The following LHFPL3 variants were observed in gnomAD, a reference collection of about 807,000 sequenced individuals.
LHFPL3 encodes LHFPL tetraspan subfamily member 3 protein.
Under a neutral mutation model 19.3 loss-of-function variants are expected in LHFPL3, and 5 were observed. That is an observed-to-expected ratio of 0.26 (90% CI 0.14 to 0.54). The LOEUF (loss-of-function observed/expected upper bound fraction) is 0.54. Among genes scored for constraint, LHFPL3 ranks in the 20% least tolerant of loss-of-function variants. The probability of loss-of-function intolerance (pLI) is 0.94; values close to 1 mark genes in which losing one functional copy is unlikely to be tolerated. For missense variants in LHFPL3, 249 were observed against 307.4 expected, an observed-to-expected ratio of 0.81 and a Z score of 1.42; for synonymous variants, 133 against 126.2, an observed-to-expected ratio of 1.05 and a Z score of -0.36.
intron 2 of LHFPL3, among the ~76,000 whole-genome samples, chr7:104,817,021 C>T (rs1206895433): frequency 1.3e-5 from 2 of 152,300 alleles, no homozygotes; most frequent in African/African-American, 2.4e-5. Flanking sequence ...CTTTGCTTCT[C>T]CCCCTCTTTC....
At chr7:104,388,173 T>C (rs1326428007) in intron 1 of LHFPL3, among the ~76,000 whole-genome samples, 1 of 152,184 alleles carries the variant, frequency 6.6e-6, no homozygotes, top group East Asian at 1.9e-4. Context: ...ACATTTTCTT[T>C]ATCCAATCCA....
chr7:104,394,680 T>A (rs150538044), intron 1 of LHFPL3, among the ~76,000 whole-genome samples: 2,872 of 152,190 alleles, frequency 0.019, 46 homozygotes, highest in South Asian at 0.051. Flanking sequence ...TTGACATTAG[T>A]TTGTTATAAT....
intron 1 of LHFPL3, among the ~76,000 whole-genome samples, chr7:104,420,472 A>G (rs1380174623): frequency 6.6e-6 from 1 of 152,108 alleles, no homozygotes; most frequent in Non-Finnish European, 1.5e-5. Context: ...TAAATTCTGT[A>G]TAATGACAGA....
chr7:104,440,487 A>G (rs1792203375), intron 1 of LHFPL3, among the ~76,000 whole-genome samples: 2 of 152,024 alleles, frequency 1.3e-5, no homozygotes, highest in Non-Finnish European at 2.9e-5. Flanking sequence ...TGGGTGCAGC[A>G]CACCAGCATG....
intron 1 of LHFPL3, among the ~76,000 whole-genome samples, chr7:104,524,587 A>G (rs1180520351): frequency 6.6e-6 from 1 of 152,174 alleles, no homozygotes; most frequent in Non-Finnish European, 1.5e-5. Flanking sequence ...GTTGAACTGA[A>G]CTAGATTGAT....
intron 1 of LHFPL3, among the ~76,000 whole-genome samples, chr7:104,471,772 G>C (rs779890272): frequency 5.9e-5 from 9 of 152,082 alleles, no homozygotes; most frequent in Non-Finnish European, 1.2e-4. Context: ...TTTTCCGTTT[G>C]GATTCATACT....
At chr7:104,537,689 T>C (rs557917587) in intron 1 of LHFPL3, among the ~76,000 whole-genome samples, 11 of 152,248 alleles carry the variant, frequency 7.2e-5, no homozygotes, top group Non-Finnish European at 1.5e-4. Context: ...TTGGGTTCCC[T>C]ACTTCACAGT....
chr7:104,355,794 G>T (rs1166077123), intron 1 of LHFPL3, among the ~76,000 whole-genome samples: 1 of 152,146 alleles, frequency 6.6e-6, no homozygotes, highest in Non-Finnish European at 1.5e-5. Context: ...TAGCGGCAAA[G>T]GCTCTTCCTC....
chr7:104,566,827 A>G (rs969675401), intron 1 of LHFPL3, among the ~76,000 whole-genome samples: 1 of 152,244 alleles, frequency 6.6e-6, no homozygotes, highest in African/African-American at 2.4e-5. Flanking sequence ...AAAGGAAAAC[A>G]TTATTTCTCA....
At chr7:104,689,254 G>C (rs868783013) in intron 1 of LHFPL3, among the ~76,000 whole-genome samples, 1 of 152,240 alleles carries the variant, frequency 6.6e-6, no homozygotes, top group African/African-American at 2.4e-5. Flanking sequence ...TCCAAGTAGT[G>C]GCACTCAACT....
At chr7:104,380,744 C>A (rs1381946989) in intron 1 of LHFPL3, among the ~76,000 whole-genome samples, 2 of 152,038 alleles carry the variant, frequency 1.3e-5, no homozygotes, top group Non-Finnish European at 1.5e-5. Flanking sequence ...GATGCAAAAT[C>A]AGAAAGACAT....
intron 2 of LHFPL3, among the ~76,000 whole-genome samples, chr7:104,743,332 T>G (rs1042533481): frequency 6.6e-6 from 1 of 152,096 alleles, no homozygotes; most frequent in African/African-American, 2.4e-5. Context: ...CCATGTGGTG[T>G]CCATGTGAAC....
chr7:104,530,457 G>A (rs114148843), intron 1 of LHFPL3, among the ~76,000 whole-genome samples: 7 of 152,288 alleles, frequency 4.6e-5, no homozygotes, highest in African/African-American at 9.6e-5. Flanking sequence ...CTGAGAGTAC[G>A]GATGGTTGTT....
intron 1 of LHFPL3, among the ~76,000 whole-genome samples, chr7:104,686,845 G>A (rs569180355): frequency 6.6e-6 from 1 of 152,354 alleles, no homozygotes; most frequent in South Asian, 2.1e-4. Flanking sequence ...TACAATCATG[G>A]CAGAAGGGGA....
At chr7:104,834,375 T>C (rs1562808715) in intron 2 of LHFPL3, among the ~76,000 whole-genome samples, 1 of 152,014 alleles carries the variant, frequency 6.6e-6, no homozygotes, top group Non-Finnish European at 1.5e-5. Context: ...GAGGACTTTC[T>C]TGGCTTTCAG....
chr7:104,487,691 A>G (rs1793264177), intron 1 of LHFPL3, among the ~76,000 whole-genome samples: 1 of 152,198 alleles, frequency 6.6e-6, no homozygotes, highest in African/African-American at 2.4e-5. Flanking sequence ...CTATTCAGGG[A>G]CGTGTTGAGT....
intron 1 of LHFPL3, among the ~76,000 whole-genome samples, chr7:104,348,482 G>T (rs1790114482): frequency 1.3e-5 from 2 of 152,168 alleles, no homozygotes; most frequent in South Asian, 4.1e-4. Flanking sequence ...TATAAATATG[G>T]AATGACACAT....
intron 1 of LHFPL3, among the ~76,000 whole-genome samples, chr7:104,573,523 A>C (rs1242888927): frequency 3.9e-5 from 6 of 152,210 alleles, no homozygotes; most frequent in Non-Finnish European, 7.3e-5. Context: ...TTGAGACATA[A>C]ATGAAATACC....
chr7:104,507,653 C>T (rs1266397724), intron 1 of LHFPL3, among the ~76,000 whole-genome samples: 2 of 115,394 alleles, frequency 1.7e-5, no homozygotes, highest in Admixed American at 2.0e-4. Context: ...AAAGAAACTA[C>T]CATCAGAGTG....
Sources: allele counts gnomAD v4.1 joint callset (sites outside exome capture counted in the v4.1 genomes callset), GRCh38; gene constraint gnomAD v4.1.1; transcripts MANE v1.5; gene names NCBI Gene and HGNC (gene_info 2026-07-23, HGNC 2026-07-21).